The following PBLD variants were observed in gnomAD, a reference collection of about 807,000 sequenced individuals.
PBLD encodes phenazine biosynthesis like protein domain containing.
PBLD carries 26 observed loss-of-function variants against 31.3 expected under a neutral mutation model. The ratio of observed to expected loss-of-function variants is 0.83; its 90% CI spans 0.61 to 1.15. The LOEUF is 1.15. Ranked by LOEUF, PBLD falls within the 50% of genes most tolerant of loss-of-function variation. PBLD has a pLI of 0.00. For synonymous variants in PBLD, 114 were observed against 129.0 expected, an observed-to-expected ratio of 0.88 and a Z score of 0.79; for missense variants, 307 against 351.7, an observed-to-expected ratio of 0.87 and a Z score of 1.02.
chr10:68,328,093 T>C (rs2044952308), intron 1 of PBLD, among the ~76,000 whole-genome samples: 1 of 152,146 alleles, frequency 6.6e-6, no homozygotes, highest in Non-Finnish European at 1.5e-5. Flanking sequence ...TGTTGAACCA[T>C]AATAAAGGAG....
intron 8 of PBLD, 138 bp from the exon 9 acceptor site, chr10:68,285,548 C>T: frequency 8.1e-7 from 1 of 1,230,076 alleles, no homozygotes; most frequent in Non-Finnish European, 1.1e-6. Flanking sequence ...GGCCAGGCCA[C>T]AGCAGGGTGT....
At chr10:68,290,513 T>G (rs2134431381) in intron 6 of PBLD, among the ~76,000 whole-genome samples, 1 of 152,080 alleles carries the variant, frequency 6.6e-6, no homozygotes, top group East Asian at 1.9e-4. Context: ...AGCTCAGGAG[T>G]TCGAGACCAG....
chr10:68,312,330 G>T (rs1057390364), intron 1 of PBLD, among the ~76,000 whole-genome samples: 6 of 151,978 alleles, frequency 3.9e-5, no homozygotes, highest in African/African-American at 9.7e-5. Flanking sequence ...TCTTCTCCAC[G>T]TCCTCACCAA....
intron 1 of PBLD, among the ~76,000 whole-genome samples, chr10:68,319,053 G>C (rs367708506): frequency 1.0e-5 from 1 of 98,834 alleles, no homozygotes; most frequent in African/African-American, 4.4e-5. Context: ...AAGAAAGAGA[G>C]AGAAAGAAAG....
chr10:68,299,975 A>G (rs141839780), intron 2 of PBLD, among the ~76,000 whole-genome samples: 216 of 152,078 alleles, frequency 1.4e-3, no homozygotes, highest in African/African-American at 5.0e-3. Flanking sequence ...ACTGCGATCT[A>G]TGCCTCTTGG....
In PBLD at chr10:68,308,502, A is replaced by G. The variant is rs115644724; in HGVS notation, c.-59-1599T>C. 6.9e-4 allele frequency among the ~76,000 whole-genome samples: 104 copies of G among 151,386 alleles called. 7 individuals are homozygous for G. Among genetic ancestry groups the G allele is most frequent in the African/African-American group, 2.5e-3 (103 of 41,242 alleles). On this transcript the variant is annotated intron_variant, in intron 1 of 9. Coordinates refer to ENST00000358769, the MANE Select transcript of PBLD (RefSeq NM_022129.4). Reference sequence around the variant, plus strand: ...AGAGTGTCTGATCATTGCTAATCTGATAGATTTTAAAATATCTTGTTTTCA... The same window carrying G: ...AGAGTGTCTGATCATTGCTAATCTGGTAGATTTTAAAATATCTTGTTTTCA...
At chr10:68,314,167 G>A (rs1338045066) in intron 1 of PBLD, among the ~76,000 whole-genome samples, 7 of 151,978 alleles carry the variant, frequency 4.6e-5, no homozygotes, top group Non-Finnish European at 1.0e-4. Context: ...AGTAGAGATG[G>A]GGTTTCACTA....
chr10:68,306,885 G>T lies in PBLD; in HGVS notation c.-41C>A. 1.3e-6 allele frequency: 2 copies of T among 1,510,758 alleles called. No individual in the cohort carries two copies. The highest frequency in any genetic ancestry group is 1.2e-5 in the South Asian group (1 of 86,458). 93.6% of individuals were successfully genotyped at this position (1,510,758 alleles called of 1,614,324 possible). A position where few individuals can be genotyped will look rare whatever the true frequency, so the allele number is the denominator to read the frequency against. ...TTTTTGCAAGTTCTCAAAATTGCTG[G>T]TAGCCTGCTTTACGTCTTCTTCTTG... On this transcript the variant is annotated 5_prime_UTR_variant, in exon 2 of 10. Transcript: ENST00000358769.
At chr10:68,331,298 A>G (rs549048455) in intron 1 of PBLD, 3 of 152,360 alleles carry the variant, frequency 2.0e-5, no homozygotes, top group East Asian at 3.9e-4. Context: ...AAAAAACCCA[A>G]CGTCGGCCTC....
At chr10:68,285,146 A>G in intron 9 of PBLD, 2 of 1,421,436 alleles carry the variant, frequency 1.4e-6, no homozygotes, top group African/African-American at 1.4e-5. Flanking sequence ...GTGTCTGTAC[A>G]GTCTCTGTAT....
intron 1 of PBLD, among the ~76,000 whole-genome samples, chr10:68,327,581 G>A (rs992056371): frequency 6.6e-6 from 1 of 150,676 alleles, no homozygotes; most frequent in African/African-American, 2.5e-5. Context: ...GGCTGAGGCA[G>A]GAGAATCGCT....
At chr10:68,290,792 C>T (rs187910685) in intron 6 of PBLD, among the ~76,000 whole-genome samples, 5 of 152,286 alleles carry the variant, frequency 3.3e-5, no homozygotes, top group African/African-American at 4.8e-5. Context: ...AATGGCAATA[C>T]TTACAACCCT....
chr10:68,312,347 T>A (rs1366585514), intron 1 of PBLD, among the ~76,000 whole-genome samples: 1 of 152,152 alleles, frequency 6.6e-6, no homozygotes, highest in Admixed American at 6.6e-5. Flanking sequence ...CCAACACTTG[T>A]TATCTTGTGT....
At position 68,308,803 on chromosome 10, in the gene PBLD, G is replaced by A. The variant is rs533155696; in HGVS notation, c.-59-1900C>T. ...GATCCTCCCACCTAGGCCTCCCAAAGAGCTGGGATTGCAGGCGTGCCCCAC... is the reference window on the plus strand; with the variant it reads ...GATCCTCCCACCTAGGCCTCCCAAAAAGCTGGGATTGCAGGCGTGCCCCAC... On this transcript the variant is annotated intron_variant, in intron 1 of 9. Transcript: ENST00000358769. 4.0e-4 allele frequency among the ~76,000 whole-genome samples: 60 copies of A among 148,900 alleles called. 4 individuals carry two copies. In the South Asian group the frequency reaches 0.013, roughly 32 times the overall value.
At chr10:68,286,438 G>A (rs1462135444) in intron 8 of PBLD, among the ~76,000 whole-genome samples, 1 of 151,830 alleles carries the variant, frequency 6.6e-6, no homozygotes, top group Non-Finnish European at 1.5e-5. Flanking sequence ...CTTCTTCCCA[G>A]AGTGCATATG....
intron 1 of PBLD, among the ~76,000 whole-genome samples, chr10:68,319,490 C>T (rs1035209060): frequency 1.2e-4 from 18 of 152,146 alleles, no homozygotes; most frequent in African/African-American, 4.3e-4. Context: ...CAAGATCAGC[C>T]TGGCCAACAT....
intron 2 of PBLD, among the ~76,000 whole-genome samples, chr10:68,304,111 G>C (rs1465516051): frequency 2.0e-5 from 3 of 152,168 alleles, no homozygotes; most frequent in Non-Finnish European, 4.4e-5. Flanking sequence ...ATTTGTCTCT[G>C]ACATTTTCCT....
At chr10:68,332,590 T>A (rs1424547076) in intron 1 of PBLD, among the ~76,000 whole-genome samples, 194 bp downstream of exon 1, 1 of 152,046 alleles carries the variant, frequency 6.6e-6, no homozygotes, top group African/African-American at 2.4e-5. Context: ...AAAACTGATC[T>A]AGAAGGCCAG....
At chr10:68,314,018 C>T (rs1252343979) in intron 1 of PBLD, among the ~76,000 whole-genome samples, 2 of 151,966 alleles carry the variant, frequency 1.3e-5, no homozygotes, top group Non-Finnish European at 2.9e-5. Flanking sequence ...ACCCTCTCAC[C>T]CAGGCTGGAA....
Sources: allele counts gnomAD v4.1 joint callset (sites outside exome capture counted in the v4.1 genomes callset), GRCh38; gene constraint gnomAD v4.1.1; transcripts MANE v1.5; gene names NCBI Gene and HGNC (gene_info 2026-07-23, HGNC 2026-07-21).